Variants in TTC27 observed in about 807,000 individuals in gnomAD.
TTC27 encodes tetratricopeptide repeat protein 27.
Under a neutral mutation model 115.9 loss-of-function variants are expected in TTC27, and 79 were observed. The observed-to-expected ratio is 0.68, with a 90% CI of 0.57 to 0.82. The LOEUF (loss-of-function observed/expected upper bound fraction) is 0.82, where lower values mean the gene tolerates loss of function less well. TTC27 is among the 40% of genes least tolerant of loss of function. The probability of loss-of-function intolerance (pLI) is 0.00; values close to 1 mark genes in which losing one functional copy is unlikely to be tolerated. For synonymous variants in TTC27, 401 were observed against 356.0 expected (o/e 1.13, Z -1.42); for missense variants, 1,054 against 993.1 (o/e 1.06, Z -0.82).
rs36120062 is a variant in TTC27 at position 32,723,971 on chromosome 2, C to CTTTTTTTTTTTT, written c.1234-9851_1234-9840dup. Among the ~76,000 whole-genome samples the CTTTTTTTTTTTT allele has an allele frequency of 2.9e-3, 272 of 92,364 alleles. 36 individuals are homozygous for CTTTTTTTTTTTT. The highest frequency in any genetic ancestry group is 9.1e-3 in the African/African-American group (219 of 23,986). The allele number at this position is 92,364 out of a possible 152,430, so 60.6% of individuals were successfully genotyped here. ...TGAGCCACCAGCTGGCATACATAAG[C>CTTTTTTTTTTTT]TTTTTTTTTTTTTTTTTATAGAAAG... On this transcript the variant is annotated intron_variant, in intron 10 of 19. Transcript: ENST00000317907.
At chr2:32,765,059 C>A (rs1279419956) in intron 13 of TTC27, among the ~76,000 whole-genome samples, 1 of 152,136 alleles carries the variant, frequency 6.6e-6, no homozygotes, top group Non-Finnish European at 1.5e-5. Context: ...TGACTTCCTC[C>A]CATGAATCAG....
chr2:32,740,271 CTT>C (rs1006583564), intron 12 of TTC27, among the ~76,000 whole-genome samples: 3 of 152,192 alleles, frequency 2.0e-5, no homozygotes, highest in African/African-American at 7.2e-5. Flanking sequence ...CTTGTTTTCT[CTT>C]GTTTCAAGGA....
chr2:32,651,730 C>T (rs1182505198), intron 5 of TTC27, among the ~76,000 whole-genome samples: 1 of 152,180 alleles, frequency 6.6e-6, no homozygotes, highest in Non-Finnish European at 1.5e-5. Flanking sequence ...ATTCCTAAGC[C>T]AGGTGAGTGG....
intron 7 of TTC27, 40 bp downstream of exon 7, chr2:32,666,808 G>A: frequency 2.5e-6 from 4 of 1,601,098 alleles, no homozygotes; most frequent in Non-Finnish European, 3.4e-6. Flanking sequence ...ATTAACACCT[G>A]AGTCTAAGAA....
At position 32,811,177 on chromosome 2, in the gene TTC27, G is replaced by C. The variant is rs141749439; in HGVS notation, c.2152G>C (p.Val718Leu). The C allele has an allele frequency of 6.2e-7, 1 of 1,614,110 alleles. No individual in the cohort carries two copies. Among genetic ancestry groups the C allele is most frequent in the Non-Finnish European group, 8.5e-7 (1 of 1,179,988 alleles). ...DGEIWRLYAH[V>L]YGNGQSEKPD... Reference sequence around the variant, plus strand: ...AGAAATCTGGAGGCTGTATGCCCACGTATATGGAAATGGGCAGAGTGAAAA... The same window carrying C: ...AGAAATCTGGAGGCTGTATGCCCACCTATATGGAAATGGGCAGAGTGAAAA... Residue 718 changes from valine (V) to leucine (L), a missense_variant, in exon 17 of 20, where the codon GTA (valine) becomes CTA (leucine). By Grantham distance (32) the Val-to-Leu change is conservative. Transcript: ENST00000317907.
chr2:32,757,994 G>A (rs140406467), intron 12 of TTC27, among the ~76,000 whole-genome samples: 312 of 152,286 alleles, frequency 2.0e-3, no homozygotes, highest in African/African-American at 7.1e-3. Flanking sequence ...GAGCCACCAC[G>A]TCTGGCGAAA....
chr2:32,668,376 GA>G (rs112747168), intron 7 of TTC27, among the ~76,000 whole-genome samples: 2,470 of 99,974 alleles, frequency 0.025, 56 homozygotes, highest in African/African-American at 0.081. Context: ...AACTCCCTTT[GA>G]AAAAAAAAAA....
chr2:32,796,528 A>G lies in TTC27; in HGVS notation c.1998+9379A>G, dbSNP rs1015802490. On this transcript the variant is annotated intron_variant, in intron 16 of 19. Coordinates refer to ENST00000317907, the MANE Select transcript of TTC27 (RefSeq NM_017735.5). ...GAATATTGTGAACAAGTGTATGCCA[A>G]CAAAGTGGATAACCTAGATGAAACA... 3.2e-4 allele frequency among the ~76,000 whole-genome samples: 48 copies of G among 152,244 alleles called. 2 individuals carry two copies. The highest frequency in any genetic ancestry group is 3.1e-3 in the Admixed American group (47 of 15,292).
intron 4 of TTC27, among the ~76,000 whole-genome samples, chr2:32,641,602 A>G (rs1004214874): frequency 6.6e-6 from 1 of 152,208 alleles, no homozygotes; most frequent in Non-Finnish European, 1.5e-5. Flanking sequence ...CAGACCCCAT[A>G]GTGTCAGAAA....
chr2:32,787,205 T>C, intron 16 of TTC27, 56 bp downstream of exon 16: 1 of 1,545,598 alleles, frequency 6.5e-7, no homozygotes, highest in East Asian at 2.3e-5. Flanking sequence ...TCCTTGATCA[T>C]ATGGTATAAA....
chr2:32,640,039 A>T (rs1393161660), intron 3 of TTC27, among the ~76,000 whole-genome samples: 1 of 152,100 alleles, frequency 6.6e-6, no homozygotes, highest in Non-Finnish European at 1.5e-5. Context: ...CCAAAAACCC[A>T]AAAAATCAAG....
intron 7 of TTC27, among the ~76,000 whole-genome samples, chr2:32,669,548 A>C (rs993217126): frequency 6.6e-6 from 1 of 152,190 alleles, no homozygotes; most frequent in Non-Finnish European, 1.5e-5. Flanking sequence ...AAGGAACACT[A>C]CTATACCATT....
intron 12 of TTC27, among the ~76,000 whole-genome samples, chr2:32,750,327 A>G (rs1018933441): frequency 2.0e-5 from 3 of 152,218 alleles, no homozygotes; most frequent in Non-Finnish European, 4.4e-5. Flanking sequence ...CACACAGAGC[A>G]TGGGTTCTGG....
chr2:32,712,472 G>A (rs562254615), intron 10 of TTC27, among the ~76,000 whole-genome samples: 1 of 152,252 alleles, frequency 6.6e-6, no homozygotes, highest in East Asian at 1.9e-4. Flanking sequence ...TTTACACCCT[G>A]CTTTTCTACC....
At chr2:32,675,828 G>A (rs1448663671) in intron 8 of TTC27, among the ~76,000 whole-genome samples, 1 of 151,522 alleles carries the variant, frequency 6.6e-6, no homozygotes, top group African/African-American at 2.4e-5. Context: ...TTTCACTCTT[G>A]TTGGCCAGGC....
At chr2:32,640,758 G>A (rs1343249370) in intron 4 of TTC27, among the ~76,000 whole-genome samples, 3 of 152,058 alleles carry the variant, frequency 2.0e-5, no homozygotes, top group Admixed American at 2.0e-4. Flanking sequence ...TGAGGTGGAC[G>A]GGTCACCTGA....
rs570867824 is a variant in TTC27, at chr2:32,664,543, G to A, written c.805+76G>A. 4 of 1,292,748 alleles carry A rather than the reference G, an allele frequency of 3.1e-6. No individual in the cohort carries two copies. In the East Asian group the frequency reaches 7.4e-5, roughly 24 times the overall value. The allele number at this position is 1,292,748 out of a possible 1,614,324, so 80.1% of individuals were successfully genotyped here. On this transcript the variant is annotated intron_variant, in intron 6 of 19. Transcript: ENST00000317907. ...TATACATTGGCAGTTTGTATTGTAT[G>A]TTGGTATTAGATTTTCTATATCCTA...
intron 3 of TTC27, among the ~76,000 whole-genome samples, chr2:32,637,552 C>G (rs1293937558): frequency 1.3e-5 from 2 of 152,158 alleles, no homozygotes; most frequent in East Asian, 3.9e-4. Flanking sequence ...AGGCTGCTCT[C>G]AAGCTCTTGA....
chr2:32,791,889 T>C (rs1670550470), intron 16 of TTC27, among the ~76,000 whole-genome samples: 1 of 152,062 alleles, frequency 6.6e-6, no homozygotes, highest in Non-Finnish European at 1.5e-5. Context: ...AAATATGAAA[T>C]AAAATAACAA....
Sources: gnomAD v4.1 joint callset for allele counts (sites outside exome capture counted in the v4.1 genomes callset) on GRCh38, gnomAD v4.1.1 for gene constraint, MANE v1.5 for transcripts, NCBI Gene and HGNC (gene_info 2026-07-23, HGNC 2026-07-21) for gene names.